The following SPECC1 variants were observed in gnomAD, a reference collection of about 807,000 sequenced individuals.
SPECC1 encodes the protein sperm antigen with calponin homology and coiled-coil domains 1.
A neutral mutation model predicts 104.1 loss-of-function variants in SPECC1; 62 were observed. That is an observed-to-expected ratio of 0.60 (90% CI 0.49 to 0.74). SPECC1 has a LOEUF of 0.74. SPECC1 is among the 30% of genes least tolerant of loss of function. The pLI, the probability that SPECC1 is intolerant of heterozygous loss-of-function variation, is 0.00. For missense variants in SPECC1, 1,306 were observed against 1,310.5 expected (o/e 1.00, Z 0.05); for synonymous variants, 513 against 501.6 (o/e 1.02, Z -0.30).
chr17:20,283,073 A>G (rs1259822723), intron 12 of SPECC1, among the ~76,000 whole-genome samples: 1 of 152,082 alleles, frequency 6.6e-6, no homozygotes, highest in Non-Finnish European at 1.5e-5. Context: ...AGTCCCAGCT[A>G]CTCTGGAGGC....
chr17:20,125,423 T>C (rs1475315587), intron 3 of SPECC1, among the ~76,000 whole-genome samples: 1 of 150,610 alleles, frequency 6.6e-6, no homozygotes, highest in African/African-American at 2.5e-5. Context: ...TTTCACATTG[T>C]GGTAGGAGAT....
At chr17:20,220,657 G>A (rs2037818736) in intron 4 of SPECC1, among the ~76,000 whole-genome samples, 1 of 150,576 alleles carries the variant, frequency 6.6e-6, no homozygotes, top group South Asian at 2.1e-4. Context: ...TTCCAATTTG[G>A]ATGCCCTTTA....
chr17:20,089,563 C>G (rs2047318595), intron 1 of SPECC1, among the ~76,000 whole-genome samples: 1 of 152,062 alleles, frequency 6.6e-6, no homozygotes. Flanking sequence ...GGGGTCGAGG[C>G]TGTAGTGAAT....
intron 6 of SPECC1, 63 bp downstream of exon 6, chr17:20,231,894 A>G (rs575183474): frequency 6.6e-7 from 1 of 1,509,066 alleles, no homozygotes; most frequent in South Asian, 1.1e-5. Flanking sequence ...CGAGGTGTGG[A>G]TCACTCTCTC....
chr17:20,078,711 A>G (rs2046857276), intron 1 of SPECC1, among the ~76,000 whole-genome samples: 1 of 152,202 alleles, frequency 6.6e-6, no homozygotes, highest in Non-Finnish European at 1.5e-5. Flanking sequence ...AACAATACAA[A>G]CATATTTATG....
At chr17:20,134,082 A>G (rs2049798785) in intron 3 of SPECC1, among the ~76,000 whole-genome samples, 1 of 150,886 alleles carries the variant, frequency 6.6e-6, no homozygotes, top group Non-Finnish European at 1.5e-5. Context: ...AAATATAAAC[A>G]TATTACAAAC....
intron 8 of SPECC1, 46 bp downstream of exon 8, chr17:20,246,117 T>C: frequency 1.2e-6 from 2 of 1,605,690 alleles, no homozygotes; most frequent in Admixed American, 1.7e-5. Flanking sequence ...ATTCAAACTT[T>C]GGCCCGACAT....
intron 1 of SPECC1, among the ~76,000 whole-genome samples, chr17:20,044,634 A>T (rs1455322721): frequency 6.6e-6 from 1 of 152,240 alleles, no homozygotes; most frequent in Admixed American, 6.5e-5. Context: ...ATGAGTAGCA[A>T]CAAAGGAAGC....
At chr17:20,234,597 G>T (rs562511565) in intron 7 of SPECC1, among the ~76,000 whole-genome samples, 1 of 152,188 alleles carries the variant, frequency 6.6e-6, no homozygotes, top group African/African-American at 2.4e-5. Flanking sequence ...CAGTCATCTA[G>T]TGAGAACTCA....
intron 9 of SPECC1, among the ~76,000 whole-genome samples, chr17:20,250,678 A>G (rs1343715031): frequency 6.6e-6 from 1 of 152,248 alleles, no homozygotes; most frequent in African/African-American, 2.4e-5. Context: ...AATAATGTCA[A>G]TCTTACGTAA....
At chr17:20,117,197 G>T (rs973855847) in intron 3 of SPECC1, among the ~76,000 whole-genome samples, 2 of 151,936 alleles carry the variant, frequency 1.3e-5, no homozygotes, top group Non-Finnish European at 2.9e-5. Context: ...ATTTAGGAAG[G>T]AATAAAGCTG....
At chr17:20,247,344 C>T (rs1245192442) in intron 9 of SPECC1, 25 bp downstream of exon 9, 20 of 1,542,626 alleles carry the variant, frequency 1.3e-5, no homozygotes, top group Non-Finnish European at 1.8e-5. Context: ...GAAATAACCA[C>T]TGCTTATGGT....
intron 9 of SPECC1, among the ~76,000 whole-genome samples, chr17:20,251,523 A>G (rs2039634546): frequency 6.6e-6 from 1 of 152,192 alleles, no homozygotes; most frequent in Non-Finnish European, 1.5e-5. Flanking sequence ...GTATACCACG[A>G]CCATTATATT....
rs922614038 is a variant in SPECC1, at chr17:20,228,162, C to T, written c.2071+542C>T. Among the ~76,000 whole-genome samples, 4 of 152,110 alleles carry T rather than the reference C, an allele frequency of 2.6e-5. No homozygotes were observed. The South Asian group carries it at 6.2e-4, about 24-fold the overall frequency. ...GAACAGGCTGTTGAACATGAGTCAG[C>T]AGTGTGTAGGTGATTGCGAAAAATA... On this transcript the variant is annotated intron_variant, in intron 5 of 14. Coordinates refer to ENST00000395527, the MANE Select transcript of SPECC1 (RefSeq NM_001243439.2).
At chr17:20,070,244 G>A (rs932610071) in intron 1 of SPECC1, among the ~76,000 whole-genome samples, 1 of 152,146 alleles carries the variant, frequency 6.6e-6, no homozygotes, top group Non-Finnish European at 1.5e-5. Flanking sequence ...ATGTTAGTTT[G>A]TGAGTGTTTT....
intron 3 of SPECC1, chr17:20,156,123 A>C: frequency 7.2e-7 from 1 of 1,380,822 alleles, no homozygotes; most frequent in Non-Finnish European, 9.4e-7. Flanking sequence ...CGCCAGCCGG[A>C]GCCAGCGCGA....
chr17:20,282,902 C>A (rs868186618), intron 12 of SPECC1, among the ~76,000 whole-genome samples: 11 of 152,070 alleles, frequency 7.2e-5, no homozygotes, highest in Admixed American at 6.6e-4. Flanking sequence ...TGGCTGGGTG[C>A]GTGCAGTGGC....
At chr17:20,209,923 T>C (rs2037025319) in intron 4 of SPECC1, among the ~76,000 whole-genome samples, 1 of 152,242 alleles carries the variant, frequency 6.6e-6, no homozygotes, top group African/African-American at 2.4e-5. Context: ...AGGTTGAAGC[T>C]TATAGGTGGT....
At chr17:20,234,005 A>T (rs554864896) in intron 7 of SPECC1, among the ~76,000 whole-genome samples, 19 of 152,338 alleles carry the variant, frequency 1.2e-4, no homozygotes, top group African/African-American at 4.3e-4. Flanking sequence ...TCTGAGACAC[A>T]GGCCAGGTTC....
Sources: gnomAD v4.1 joint callset for allele counts (sites outside exome capture counted in the v4.1 genomes callset) on GRCh38, gnomAD v4.1.1 for gene constraint, MANE v1.5 for transcripts, NCBI Gene and HGNC (gene_info 2026-07-23, HGNC 2026-07-21) for gene names.